Variants in MAP2 observed in about 807,000 individuals in gnomAD.
The protein encoded by MAP2 is microtubule-associated protein 2.
MAP2 carries 14 observed loss-of-function variants against 137.6 expected under a neutral mutation model. The observed-to-expected ratio is 0.10, with a 90% CI of 0.07 to 0.16. MAP2 has a LOEUF of 0.16. Ranked by LOEUF, MAP2 falls within the 10% of genes least tolerant of loss-of-function variation. The pLI is 1.00. For synonymous variants in MAP2, 786 were observed against 782.3 expected, an observed-to-expected ratio of 1.00 and a Z score of -0.08; for missense variants, 2,088 against 2,191.5, an observed-to-expected ratio of 0.95 and a Z score of 0.94.
chr2:209,717,070 T>A (rs1029807880), intron 13 of MAP2, among the ~76,000 whole-genome samples: 1 of 152,154 alleles, frequency 6.6e-6, no homozygotes, highest in Non-Finnish European at 1.5e-5. Context: ...GGAATCTTTT[T>A]AAATATATTC....
chr2:209,566,428 T>C (rs967877290), intron 2 of MAP2, among the ~76,000 whole-genome samples: 2 of 152,194 alleles, frequency 1.3e-5, no homozygotes, highest in Non-Finnish European at 2.9e-5. Flanking sequence ...ATGCCAGCTA[T>C]TGAGTAAGAT....
At chr2:209,567,032 ATG>A (rs2073581659) in intron 2 of MAP2, among the ~76,000 whole-genome samples, 1 of 152,212 alleles carries the variant, frequency 6.6e-6, no homozygotes, top group African/African-American at 2.4e-5. Flanking sequence ...AGTAGAAAGT[ATG>A]TATAAACTGG....
intron 4 of MAP2, among the ~76,000 whole-genome samples, chr2:209,633,667 A>G (rs1430164292): frequency 9.2e-5 from 14 of 152,032 alleles, no homozygotes; most frequent in Admixed American, 9.2e-4. Context: ...TTTGGGTAGG[A>G]AAAAAGACTA....
In MAP2 at chr2:209,695,270, G is replaced by A. The variant is rs202024964; in HGVS notation, c.3100G>A (p.Val1034Met). 6.2e-7 allele frequency: 1 copy of A among 1,613,924 alleles called. No individual in the cohort carries two copies. Among genetic ancestry groups the A allele is most frequent in the East Asian group, 2.2e-5 (1 of 44,870 alleles). The change falls in exon 8 of 16, where the codon GTG becomes ATG. Residue 1034 changes from valine (V) to methionine (M), a missense_variant. This residue lies in a region of MAP2 where 500 missense variants were observed against 482.9 expected (regional missense o/e 1.04). Coordinates refer to ENST00000682079, the MANE Select transcript of MAP2 (RefSeq NM_001375505.1). Reference protein sequence around the residue: ...EIAEVEPSKKVEQGLDFAVQG... With the variant: ...EIAEVEPSKKMEQGLDFAVQG... ...AGCTGAGGTAGAACCATCCAAAAAG[G>A]TGGAACAAGGTCTGGATTTTGCTGT... is the stretch of plus-strand genomic sequence containing the variant.
chr2:209,459,704 T>A (rs536202174), intron 1 of MAP2, among the ~76,000 whole-genome samples: 5 of 152,324 alleles, frequency 3.3e-5, no homozygotes, highest in Admixed American at 6.5e-5. Context: ...ATCACTGAGG[T>A]TCATTGGTAA....
chr2:209,676,342 G>A (rs902211151), intron 5 of MAP2, among the ~76,000 whole-genome samples: 5 of 151,412 alleles, frequency 3.3e-5, no homozygotes, highest in African/African-American at 1.2e-4. Flanking sequence ...AGAACACATG[G>A]ACACATCAAC....
rs193298580 is a variant in MAP2 at position 209,534,350 on chromosome 2, T to A, written c.-172+26709T>A. On this transcript the variant is annotated intron_variant, in intron 2 of 15. Transcript: ENST00000682079. The stretch of plus-strand genomic sequence containing the variant: ...AAGGCCACTTGGATAAATAGAGAAA[T>A]AGGAATTCCAGCTCAGTGATTGTCT... 4.7e-3 allele frequency among the ~76,000 whole-genome samples: 723 copies of A among 152,226 alleles called. 9 individuals carry two copies. The highest frequency in any genetic ancestry group is 0.016 in the African/African-American group (677 of 41,542).
chr2:209,530,328 A>G (rs2064919896), intron 2 of MAP2, among the ~76,000 whole-genome samples: 1 of 152,200 alleles, frequency 6.6e-6, no homozygotes, highest in African/African-American at 2.4e-5. Context: ...ATATGTAGTC[A>G]TTATTAAAAA....
At chr2:209,679,743 G>T (rs2053727593) in intron 6 of MAP2, among the ~76,000 whole-genome samples, 1 of 151,840 alleles carries the variant, frequency 6.6e-6, no homozygotes, top group Admixed American at 6.6e-5. Context: ...AAAACACATA[G>T]AGAATTATCT....
At chr2:209,700,197 A>G in intron 10 of MAP2, 80 bp from the exon 11 acceptor site, 1 of 1,133,784 alleles carries the variant, frequency 8.8e-7, no homozygotes, top group South Asian at 1.3e-5. Flanking sequence ...ACACAACAGA[A>G]TATCCTACAG....
intron 1 of MAP2, among the ~76,000 whole-genome samples, chr2:209,469,346 C>T (rs1705043542): frequency 6.6e-6 from 1 of 152,182 alleles, no homozygotes; most frequent in Non-Finnish European, 1.5e-5. Flanking sequence ...GTTGAAAAGA[C>T]AGATTCCGTG....
chr2:209,509,399 T>G (rs1202384431), intron 2 of MAP2, among the ~76,000 whole-genome samples: 1 of 151,934 alleles, frequency 6.6e-6, no homozygotes, highest in African/African-American at 2.4e-5. Context: ...TCAGTGAAAA[T>G]AACGTGTACA....
At chr2:209,454,571 A>T (rs566541081) in intron 1 of MAP2, among the ~76,000 whole-genome samples, 4 of 152,064 alleles carry the variant, frequency 2.6e-5, no homozygotes, top group South Asian at 4.1e-4. Flanking sequence ...TCCTGACCTC[A>T]AGTGATCCAT....
At chr2:209,679,740 A>C (rs2053720419) in intron 6 of MAP2, among the ~76,000 whole-genome samples, 1 of 152,098 alleles carries the variant, frequency 6.6e-6, no homozygotes, top group Admixed American at 6.6e-5. Context: ...CTTAAAACAC[A>C]TAGAGAATTA....
intron 2 of MAP2, among the ~76,000 whole-genome samples, chr2:209,518,231 G>T (rs2062793005): frequency 6.6e-6 from 1 of 151,910 alleles, no homozygotes; most frequent in African/African-American, 2.4e-5. Context: ...CTCTGCAATG[G>T]CTTACAGTCA....
chr2:209,696,417 A>G (rs1240587332), intron 8 of MAP2, 67 bp downstream of exon 8: 1 of 1,489,308 alleles, frequency 6.7e-7, no homozygotes, highest in Admixed American at 2.3e-5. Flanking sequence ...TTTTTCACTT[A>G]AACATTTTAA....
intron 2 of MAP2, among the ~76,000 whole-genome samples, chr2:209,573,106 A>G (rs1358292178): frequency 6.6e-6 from 1 of 152,194 alleles, no homozygotes; most frequent in Admixed American, 6.5e-5. Flanking sequence ...ATGGCCTCAA[A>G]AAAATGAATA....
intron 1 of MAP2, among the ~76,000 whole-genome samples, chr2:209,463,643 CA>C (rs1454468994): frequency 6.6e-6 from 1 of 152,098 alleles, no homozygotes; most frequent in Non-Finnish European, 1.5e-5. Flanking sequence ...AATCAGTGCC[CA>C]TATTTCACAT....
At chr2:209,634,983 A>G (rs2093429552) in intron 4 of MAP2, among the ~76,000 whole-genome samples, 1 of 152,154 alleles carries the variant, frequency 6.6e-6, no homozygotes, top group Non-Finnish European at 1.5e-5. Context: ...AGTCCCGGCT[A>G]CTTGGGAGGC....
Sources: gnomAD v4.1 joint callset for allele counts (sites outside exome capture counted in the v4.1 genomes callset) on GRCh38, gnomAD v4.1.1 for gene constraint, gnomAD v4.1.1 regional missense constraint, MANE v1.5 for transcripts, NCBI Gene and HGNC (gene_info 2026-07-23, HGNC 2026-07-21) for gene names.